Variants in VRK2 observed in about 807,000 individuals in gnomAD.
VRK2 encodes serine/threonine-protein kinase VRK2.
In VRK2, 60 loss-of-function variants were observed where a neutral mutation model predicts 57.6. That is an observed-to-expected ratio of 1.04 (90% CI 0.85 to 1.29). The LOEUF (loss-of-function observed/expected upper bound fraction) is 1.29, where lower values mean the gene tolerates loss of function less well. Among genes scored for constraint, VRK2 ranks in the 50% most tolerant of loss-of-function variants. The pLI, the probability that VRK2 is intolerant of heterozygous loss-of-function variation, is 0.00. For missense variants in VRK2, 705 were observed against 588.1 expected, an observed-to-expected ratio of 1.20 and a Z score of -2.06; for synonymous variants, 231 against 199.2, an observed-to-expected ratio of 1.16 and a Z score of -1.35.
chr2:58,042,281 A>G (rs1025816999), upstream of VRK2, among the ~76,000 whole-genome samples: 2 of 152,214 alleles, frequency 1.3e-5, no homozygotes, highest in Non-Finnish European at 2.9e-5. Context: ...TGCAGAGGAC[A>G]TAGATACTTG....
intron 1 of VRK2, among the ~76,000 whole-genome samples, chr2:57,996,637 A>G (rs899510355): frequency 2.2e-4 from 33 of 152,264 alleles, no homozygotes; most frequent in Non-Finnish European, 1.2e-4. Context: ...AGTCAAAATT[A>G]GAACAGGAAG....
chr2:58,135,067 G>A (rs1002360730), intron 9 of VRK2, 74 bp from the exon 10 acceptor site: 6 of 1,526,864 alleles, frequency 3.9e-6, no homozygotes, highest in East Asian at 2.3e-5. Flanking sequence ...AACACATAGA[G>A]TGTTTTGTTT....
chr2:58,007,498 T>C (rs1482607372), intron 1 of VRK2, among the ~76,000 whole-genome samples: 2 of 152,038 alleles, frequency 1.3e-5, no homozygotes, highest in African/African-American at 4.8e-5. Flanking sequence ...GATAAAGGCA[T>C]ATGACAATCT....
At position 57,939,733 on chromosome 2, in the gene VRK2, A is replaced by T. The variant is rs574758168; in HGVS notation, c.-439+31894A>T. ...AATAATATTGCATTTTATTTTGTCC[A>T]TTGTTAACTATTGAAGTTGATGGCA... On this transcript the variant is annotated intron_variant, in intron 1 of 15. Transcript: ENST00000417641. Among the ~76,000 whole-genome samples the T allele has an allele frequency of 2.0e-5, 3 of 152,330 alleles. No homozygotes were observed. In the South Asian group the frequency reaches 6.2e-4, roughly 32 times the overall value.
intron 4 of VRK2, among the ~76,000 whole-genome samples, chr2:58,085,176 T>C (rs1671445105): frequency 6.6e-6 from 1 of 151,960 alleles, no homozygotes; most frequent in Admixed American, 6.6e-5. Context: ...TTGTTTCTAC[T>C]ACTTTACATA....
chr2:58,018,211 T>G lies in VRK2; in HGVS notation c.-438-7454T>G, dbSNP rs1673644852. 4 of 152,168 alleles carry G rather than the reference T, an allele frequency of 2.6e-5. No individual in the cohort carries two copies. The South Asian group carries it at 8.3e-4, about 32-fold the overall frequency. 9.4% of individuals were successfully genotyped at this position (152,168 alleles called of 1,614,324 possible). ...TTTCACCACGTTGGCCAAGCTGGTCTCGAACTCTTGACCTCAGGTGATCCA... is the reference window on the plus strand; with the variant it reads ...TTTCACCACGTTGGCCAAGCTGGTCGCGAACTCTTGACCTCAGGTGATCCA... On this transcript the variant is annotated intron_variant, in intron 1 of 15. Coordinates refer to the VRK2 transcript ENST00000417641.
chr2:57,946,901 T>A (rs1025235346), intron 1 of VRK2, among the ~76,000 whole-genome samples: 4 of 152,102 alleles, frequency 2.6e-5, no homozygotes, highest in Admixed American at 2.6e-4. Context: ...TACTGATCTA[T>A]GAGCCAGAGG....
At chr2:57,923,460 T>C (rs1159744618) in intron 1 of VRK2, among the ~76,000 whole-genome samples, 1 of 152,068 alleles carries the variant, frequency 6.6e-6, no homozygotes, top group Non-Finnish European at 1.5e-5. Context: ...TAGCTTTGAT[T>C]TGCATTTTCC....
At position 58,092,668 on chromosome 2, in the gene VRK2, A is replaced by AT. The variant is rs200468290; in HGVS notation, c.543+2954dup. On this transcript the variant is annotated intron_variant, in intron 7 of 12. Transcript: ENST00000340157. ...TATTTCATTTGCTCCACCTGGTTTC[A>AT]TTTTTTTTTCCATACTTTAAGTTCT... Among the ~76,000 whole-genome samples, 713 of 150,972 alleles carry AT rather than the reference A, an allele frequency of 4.7e-3. 7 individuals carry two copies. The highest frequency in any genetic ancestry group is 8.3e-3 in the African/African-American group (342 of 41,128).
chr2:57,957,153 A>G (rs1671611765), intron 1 of VRK2, among the ~76,000 whole-genome samples: 1 of 152,198 alleles, frequency 6.6e-6, no homozygotes, highest in African/African-American at 2.4e-5. Context: ...ATAGTCTTTT[A>G]TAATTGAAGT....
chr2:58,087,415 G>A (rs542636436), intron 5 of VRK2, among the ~76,000 whole-genome samples: 6 of 152,258 alleles, frequency 3.9e-5, no homozygotes, highest in African/African-American at 1.2e-4. Flanking sequence ...AGCTATACTA[G>A]TTGCCTTAGA....
chr2:58,044,237 C>T (rs1399308673), upstream of VRK2, among the ~76,000 whole-genome samples: 2 of 152,142 alleles, frequency 1.3e-5, no homozygotes, highest in East Asian at 1.9e-4. Context: ...TGTGGTCACA[C>T]GATGACTGCA....
chr2:58,086,537 C>A, intron 5 of VRK2, 111 bp downstream of exon 5: 1 of 886,420 alleles, frequency 1.1e-6, no homozygotes, highest in East Asian at 2.8e-5. Flanking sequence ...CATATAACCA[C>A]AAACTTGTAT....
At chr2:58,027,588 TG>T (rs1359716550) in intron 2 of VRK2, among the ~76,000 whole-genome samples, 6 of 152,128 alleles carry the variant, frequency 3.9e-5, no homozygotes, top group Non-Finnish European at 7.4e-5. Context: ...AAAGGGGGAC[TG>T]CAGAGTTTAA....
intron 10 of VRK2, among the ~76,000 whole-genome samples, chr2:58,136,940 T>TG (rs1491582062): frequency 8.1e-5 from 11 of 136,034 alleles, no homozygotes; most frequent in African/African-American, 3.1e-4. Context: ...ATCATATATA[T>TG]TATATATCAT....
intron 1 of VRK2, among the ~76,000 whole-genome samples, chr2:57,999,645 T>G (rs1234964006): frequency 6.6e-6 from 1 of 152,192 alleles, no homozygotes; most frequent in Non-Finnish European, 1.5e-5. Context: ...AAATACTGAT[T>G]AAGTCTTGGG....
chr2:58,115,246 A>G (rs1338920481), intron 7 of VRK2, among the ~76,000 whole-genome samples: 1 of 152,014 alleles, frequency 6.6e-6, no homozygotes. Flanking sequence ...TATCAGGTGG[A>G]TCAGAGAGAT....
intron 7 of VRK2, among the ~76,000 whole-genome samples, chr2:58,121,257 G>A (rs1389337666): frequency 6.6e-6 from 1 of 152,152 alleles, no homozygotes; most frequent in Non-Finnish European, 1.5e-5. Flanking sequence ...GTGCTAGTGA[G>A]TACATAAAAC....
At chr2:58,060,122 A>G (rs1677107356) in intron 2 of VRK2, among the ~76,000 whole-genome samples, 2 of 151,732 alleles carry the variant, frequency 1.3e-5, no homozygotes, top group East Asian at 3.9e-4. Flanking sequence ...AGTAAAACCA[A>G]CAACAACAAC....
Sources: gnomAD v4.1 joint callset for allele counts (sites outside exome capture counted in the v4.1 genomes callset) on GRCh38, gnomAD v4.1.1 for gene constraint, MANE v1.5 for transcripts, NCBI Gene and HGNC (gene_info 2026-07-23, HGNC 2026-07-21) for gene names.